GPD1L: variants seen among roughly 807,000 people sequenced by gnomAD.
GPD1L encodes the protein glycerol-3-phosphate dehydrogenase 1-like protein.
Under a neutral mutation model 32.9 loss-of-function variants are expected in GPD1L, and 17 were observed. The observed-to-expected ratio is 0.52, with a 90% CI of 0.35 to 0.78. The LOEUF (loss-of-function observed/expected upper bound fraction) is 0.78, where lower values mean the gene tolerates loss of function less well. GPD1L is among the 30% of genes least tolerant of loss of function. The pLI, the probability that GPD1L is intolerant of heterozygous loss-of-function variation, is 0.01. For missense variants in GPD1L, 361 were observed against 447.8 expected, an observed-to-expected ratio of 0.81 and a Z score of 1.75; for synonymous variants, 187 against 165.9, an observed-to-expected ratio of 1.13 and a Z score of -0.98.
chr3:32,138,317 A>G (rs1220166871), intron 2 of GPD1L, among the ~76,000 whole-genome samples: 1 of 152,138 alleles, frequency 6.6e-6, no homozygotes, highest in Non-Finnish European at 1.5e-5. Flanking sequence ...AGCAACCCAC[A>G]TAGTGTTATT....
chr3:32,125,793 C>T (rs1486269716), intron 1 of GPD1L, among the ~76,000 whole-genome samples: 1 of 149,346 alleles, frequency 6.7e-6, no homozygotes, highest in Non-Finnish European at 1.5e-5. Context: ...TGGCCCAATG[C>T]ATTACGCATA....
intron 4 of GPD1L, among the ~76,000 whole-genome samples, chr3:32,142,728 C>G (rs1700764882): frequency 6.6e-6 from 1 of 152,220 alleles, no homozygotes; most frequent in Admixed American, 6.5e-5. Context: ...GGCTAGGACT[C>G]TAGCCCTGTT....
At chr3:32,139,526 T>C (rs1700709109) in intron 3 of GPD1L, among the ~76,000 whole-genome samples, 1 of 152,216 alleles carries the variant, frequency 6.6e-6, no homozygotes, top group Non-Finnish European at 1.5e-5. Flanking sequence ...GCATATGAAA[T>C]TCTGAGAATG....
chr3:32,119,466 T>C (rs1326472672), intron 1 of GPD1L, among the ~76,000 whole-genome samples: 3 of 152,262 alleles, frequency 2.0e-5, no homozygotes, highest in African/African-American at 7.2e-5. Flanking sequence ...TCCTTCCTCT[T>C]TGAAGTGAAG....
chr3:32,139,798 A>T (rs1016370789), intron 3 of GPD1L, among the ~76,000 whole-genome samples: 8 of 152,244 alleles, frequency 5.3e-5, no homozygotes, highest in Non-Finnish European at 1.2e-4. Context: ...ATTGTAGTTC[A>T]AGACAGCACA....
Position 32,127,997 on chromosome 3 carries a change from CTT to C in GPD1L, c.48-78_48-77del, listed in dbSNP as rs1158346105. ...TTTGAATCAGAATCAAAACACAAGT[CTT>C]CTGAATTTTAATCAAACGCTTTTTC... On this transcript the variant is annotated intron_variant, in intron 1 of 7. Coordinates refer to ENST00000282541, the MANE Select transcript of GPD1L (RefSeq NM_015141.4). 3.1e-6 allele frequency: 3 copies of C among 978,324 alleles called. No homozygotes were observed. The African/African-American group carries it at 4.8e-5, about 16-fold the overall frequency. 60.6% of individuals were successfully genotyped at this position (978,324 alleles called of 1,614,324 possible).
intron 7 of GPD1L, among the ~76,000 whole-genome samples, chr3:32,165,184 C>T (rs1021811219): frequency 1.3e-5 from 2 of 151,770 alleles, no homozygotes; most frequent in Admixed American, 6.6e-5. Flanking sequence ...CCAGCCTGGG[C>T]GATAGAGTGA....
chr3:32,161,497 C>CA (rs545589278), intron 7 of GPD1L, among the ~76,000 whole-genome samples: 113 of 150,650 alleles, frequency 7.5e-4, no homozygotes, highest in African/African-American at 2.3e-3. Context: ...TTTTAAGTCT[C>CA]AAAAAAAAAT....
In GPD1L at chr3:32,166,136, C is replaced by T. The variant is rs562858762; in HGVS notation, c.*226C>T. 3 of 571,622 alleles carry T rather than the reference C, an allele frequency of 5.2e-6. No homozygotes were observed. The highest frequency in any genetic ancestry group is 3.7e-5 in the African/African-American group (2 of 53,466). The allele number at this position is 571,622 out of a possible 1,614,324, so 35.4% of individuals were successfully genotyped here. ...AACATGTGAATGGTGGTTTATTCCT[C>T]ATTCTGTGGATGTTTCTATGAGCCA... is the stretch of plus-strand genomic sequence containing the variant. On this transcript the variant is annotated 3_prime_UTR_variant, in exon 8 of 8. Coordinates refer to ENST00000282541, the MANE Select transcript of GPD1L (RefSeq NM_015141.4).
At chr3:32,146,792 G>C (rs565170576) in intron 5 of GPD1L, 58 bp downstream of exon 5, 5 of 952,046 alleles carry the variant, frequency 5.3e-6, no homozygotes, top group East Asian at 2.4e-5. Context: ...GCATCATTGA[G>C]TCTAATCCTC....
At chr3:32,136,881 C>T (rs1700670936) in intron 2 of GPD1L, among the ~76,000 whole-genome samples, 1 of 152,078 alleles carries the variant, frequency 6.6e-6, no homozygotes, top group South Asian at 2.1e-4. Flanking sequence ...GAGGAGGCAA[C>T]CCACTGTCTT....
chr3:32,120,630 A>G (rs900987809), intron 1 of GPD1L, among the ~76,000 whole-genome samples: 1 of 152,148 alleles, frequency 6.6e-6, no homozygotes, highest in African/African-American at 2.4e-5. Context: ...AACAAAGATC[A>G]GCAATTAGAA....
chr3:32,142,883 C>T (rs1366276251), intron 4 of GPD1L, among the ~76,000 whole-genome samples: 1 of 152,110 alleles, frequency 6.6e-6, no homozygotes, highest in African/African-American at 2.4e-5. Context: ...GTGTGATAAG[C>T]ACTGATGACC....
At chr3:32,165,351 A>C (rs1410554819) in intron 7 of GPD1L, among the ~76,000 whole-genome samples, 3 of 152,234 alleles carry the variant, frequency 2.0e-5, no homozygotes, top group African/African-American at 7.2e-5. Context: ...GTGGGTCCTC[A>C]CTCGGATTCT....
At chr3:32,154,417 A>G (rs763214562) in intron 5 of GPD1L, among the ~76,000 whole-genome samples, 2 of 152,184 alleles carry the variant, frequency 1.3e-5, no homozygotes, top group South Asian at 2.1e-4. Flanking sequence ...CTGTCCATAC[A>G]GTCCTGCTTG....
chr3:32,128,223 T>C lies in GPD1L; in HGVS notation c.195T>C (p.Tyr65=), dbSNP rs1700540170. The change falls in exon 2 of 8, where the codon TAT becomes TAC. Residue 65 remains tyrosine, a synonymous_variant. Transcript: ENST00000282541. ...IINNDHENVK[Y]LPGHKLPENV... is the part of the protein sequence containing the mutation. ...ATAATGACCATGAAAATGTAAAATA[T>C]CTTCCTGGACACAAGCTGCCAGAAA... The C allele has an allele frequency of 1.2e-6, 2 of 1,613,850 alleles. No homozygotes were observed. Among genetic ancestry groups the C allele is most frequent in the African/African-American group, 2.7e-5 (2 of 75,004 alleles).
chr3:32,109,162 T>C (rs2125465850), intron 1 of GPD1L, among the ~76,000 whole-genome samples: 1 of 152,382 alleles, frequency 6.6e-6, no homozygotes, highest in Admixed American at 6.5e-5. Flanking sequence ...TTTGCCAGTT[T>C]TAATGTCAAG....
At chr3:32,151,373 GT>G in intron 5 of GPD1L, 1 of 689,840 alleles carries the variant, frequency 1.4e-6, no homozygotes, top group Non-Finnish European at 2.6e-6. Flanking sequence ...GACTCTTCCA[GT>G]TTAGCCATGG....
intron 1 of GPD1L, among the ~76,000 whole-genome samples, chr3:32,125,156 G>A (rs1030391714): frequency 5.3e-5 from 8 of 152,084 alleles, no homozygotes; most frequent in East Asian, 1.9e-4. Flanking sequence ...GAACACTACC[G>A]CAGCCCCCAA....
Sources: allele counts gnomAD v4.1 joint callset (sites outside exome capture counted in the v4.1 genomes callset), GRCh38; gene constraint gnomAD v4.1.1; transcripts MANE v1.5; gene names NCBI Gene and HGNC (gene_info 2026-07-23, HGNC 2026-07-21).